NTNG1: variants seen among roughly 807,000 people sequenced by gnomAD.
NTNG1 encodes the protein netrin G1.
A neutral mutation model predicts 54.0 loss-of-function variants in NTNG1; 16 were observed. The ratio of observed to expected loss-of-function variants is 0.30; its 90% CI spans 0.20 to 0.45. The LOEUF is 0.45. NTNG1 is among the 20% of genes least tolerant of loss of function. The pLI is 1.00. For synonymous variants in NTNG1, 255 were observed against 263.1 expected (o/e 0.97, Z 0.30); for missense variants, 530 against 678.7 (o/e 0.78, Z 2.43).
At chr1:107,441,510 A>G (rs1267614354) in intron 7 of NTNG1, among the ~76,000 whole-genome samples, 1 of 152,148 alleles carries the variant, frequency 6.6e-6, no homozygotes, top group African/African-American at 2.4e-5. Context: ...AGCAAAGTAC[A>G]CATAGCAAGG....
chr1:107,194,471 T>A (rs1658179148), intron 2 of NTNG1, among the ~76,000 whole-genome samples: 1 of 152,100 alleles, frequency 6.6e-6, no homozygotes, highest in South Asian at 2.1e-4. Context: ...GTGAATACTT[T>A]GATTTATTCT....
intron 7 of NTNG1, among the ~76,000 whole-genome samples, chr1:107,457,481 T>A (rs900824799): frequency 2.0e-5 from 3 of 152,216 alleles, no homozygotes; most frequent in African/African-American, 7.2e-5. Context: ...GCTCAATTAA[T>A]ATGGAACTTG....
chr1:107,448,428 C>T (rs990574244), intron 7 of NTNG1, among the ~76,000 whole-genome samples: 1 of 152,000 alleles, frequency 6.6e-6, no homozygotes, highest in Non-Finnish European at 1.5e-5. Context: ...TTGTATAGAT[C>T]CTTGCAACTT....
At chr1:107,189,073 CT>C (rs1657689008) in intron 2 of NTNG1, among the ~76,000 whole-genome samples, 1 of 151,894 alleles carries the variant, frequency 6.6e-6, no homozygotes, top group East Asian at 2.0e-4. Flanking sequence ...GAATATAGGC[CT>C]AGCACCGTGG....
At chr1:107,336,881 C>G (rs2101913078) in intron 3 of NTNG1, among the ~76,000 whole-genome samples, 1 of 152,058 alleles carries the variant, frequency 6.6e-6, no homozygotes, top group Non-Finnish European at 1.5e-5. Flanking sequence ...TGCTCAAGAT[C>G]ATTAGTCATT....
Position 107,444,433 on chromosome 1 carries a change from TA to T in NTNG1, c.1390+7637del, listed in dbSNP as rs770236442. On this transcript the variant is annotated intron_variant, in intron 7 of 7. Coordinates refer to ENST00000370068, the MANE Select transcript of NTNG1 (RefSeq NM_001113226.3). Reference sequence around the variant, plus strand: ...TGTACTCCACAGTAGCATCATATCCTAAATACATTCAAAACCCACAGCTCCT... The same window carrying T: ...TGTACTCCACAGTAGCATCATATCCTAATACATTCAAAACCCACAGCTCCT... 7.9e-5 allele frequency among the ~76,000 whole-genome samples: 12 copies of T among 152,216 alleles called. No individual in the cohort carries two copies. In the South Asian group the frequency reaches 8.3e-4, roughly 11 times the overall value.
At chr1:107,251,784 C>T (rs1434514028) in intron 2 of NTNG1, among the ~76,000 whole-genome samples, 1 of 152,140 alleles carries the variant, frequency 6.6e-6, no homozygotes, top group Non-Finnish European at 1.5e-5. Flanking sequence ...CTTACTGTTG[C>T]CACTGACCTC....
intron 2 of NTNG1, among the ~76,000 whole-genome samples, chr1:107,229,162 A>G (rs12354158): frequency 0.096 from 14,617 of 151,778 alleles, 1,226 homozygotes; most frequent in African/African-American, 0.23. Flanking sequence ...AGGAAAGTGG[A>G]AATGTCATAA....
At chr1:107,371,030 G>C (rs982369685) in intron 3 of NTNG1, among the ~76,000 whole-genome samples, 3 of 152,032 alleles carry the variant, frequency 2.0e-5, no homozygotes, top group African/African-American at 7.2e-5. Context: ...TGGTGAGAAT[G>C]AGCATCTTTT....
chr1:107,452,436 T>C (rs1434302405), intron 7 of NTNG1, among the ~76,000 whole-genome samples: 2 of 152,162 alleles, frequency 1.3e-5, no homozygotes, highest in African/African-American at 4.8e-5. Flanking sequence ...CACTATGGTA[T>C]AAATAGAGCT....
chr1:107,442,624 GTATATTA>G (rs71694729), intron 7 of NTNG1, among the ~76,000 whole-genome samples: 43,218 of 151,652 alleles, frequency 0.28, 6,337 homozygotes, highest in Non-Finnish European at 0.3. Context: ...ATTTTAGACA[GTATATTA>G]TATAAGTGGC....
At chr1:107,348,942 C>G (rs1349068621) in intron 3 of NTNG1, among the ~76,000 whole-genome samples, 3 of 152,186 alleles carry the variant, frequency 2.0e-5, no homozygotes, top group Non-Finnish European at 2.9e-5. Flanking sequence ...TACTTTTGTG[C>G]TTAATATCCT....
chr1:107,449,885 T>A (rs777196317), intron 7 of NTNG1, among the ~76,000 whole-genome samples: 1 of 152,202 alleles, frequency 6.6e-6, no homozygotes, highest in Non-Finnish European at 1.5e-5. Context: ...ATGATTAGCA[T>A]TGCACTGAAA....
chr1:107,191,743 T>C (rs1283754156), intron 2 of NTNG1, among the ~76,000 whole-genome samples: 3 of 151,220 alleles, frequency 2.0e-5, no homozygotes, highest in Admixed American at 6.6e-5. Flanking sequence ...GTTGTAGATA[T>C]GTGGCGTTAT....
At chr1:107,304,985 T>C (rs1557884622) in intron 2 of NTNG1, among the ~76,000 whole-genome samples, 1 of 152,144 alleles carries the variant, frequency 6.6e-6, no homozygotes, top group African/African-American at 2.4e-5. Context: ...GAACATGTGG[T>C]GTTTGCTTTT....
chr1:107,475,560 A>C (rs926926877), intron 7 of NTNG1, among the ~76,000 whole-genome samples: 1 of 152,200 alleles, frequency 6.6e-6, no homozygotes, highest in Non-Finnish European at 1.5e-5. Context: ...ATCCACTCTT[A>C]CATTTCCAAT....
At chr1:107,312,705 G>A (rs1667085912) in intron 2 of NTNG1, among the ~76,000 whole-genome samples, 1 of 152,132 alleles carries the variant, frequency 6.6e-6, no homozygotes, top group South Asian at 2.1e-4. Flanking sequence ...AGAATTCCTG[G>A]TGGGTGGGGA....
At chr1:107,475,727 G>T (rs1396223795) in intron 7 of NTNG1, among the ~76,000 whole-genome samples, 1 of 152,156 alleles carries the variant, frequency 6.6e-6, no homozygotes, top group Non-Finnish European at 1.5e-5. Context: ...CCTGACCCAG[G>T]CCTTATCGTT....
At chr1:107,450,327 G>C (rs1676547793) in intron 7 of NTNG1, among the ~76,000 whole-genome samples, 1 of 152,070 alleles carries the variant, frequency 6.6e-6, no homozygotes, top group Non-Finnish European at 1.5e-5. Context: ...GCCTCAGTTT[G>C]TGCATGTAAA....
Sources: gnomAD v4.1 joint callset for allele counts (sites outside exome capture counted in the v4.1 genomes callset) on GRCh38, gnomAD v4.1.1 for gene constraint, MANE v1.5 for transcripts, NCBI Gene and HGNC (gene_info 2026-07-23, HGNC 2026-07-21) for gene names.